The following OVGP1 variants were observed in gnomAD, a reference collection of about 807,000 sequenced individuals.
The protein encoded by OVGP1 is oviductal glycoprotein 1.
Under a neutral mutation model 48.2 loss-of-function variants are expected in OVGP1, and 26 were observed. The ratio of observed to expected loss-of-function variants is 0.54; its 90% CI spans 0.40 to 0.75. OVGP1 has a LOEUF of 0.75. Among genes scored for constraint, OVGP1 ranks in the 30% least tolerant of loss-of-function variants. OVGP1 has a pLI of 0.00. For synonymous variants in OVGP1, 294 were observed against 305.7 expected, an observed-to-expected ratio of 0.96 and a Z score of 0.40; for missense variants, 791 against 820.6, an observed-to-expected ratio of 0.96 and a Z score of 0.44.
chr1:111,425,299 C>T, intron 4 of OVGP1, 84 bp downstream of exon 4: 1 of 1,535,508 alleles, frequency 6.5e-7, no homozygotes, highest in Non-Finnish European at 8.9e-7. Flanking sequence ...GTCCGCATGG[C>T]CAAGCTGCCT....
At chr1:111,419,074 C>T (rs939249927) in intron 9 of OVGP1, among the ~76,000 whole-genome samples, 6 of 152,134 alleles carry the variant, frequency 3.9e-5, no homozygotes, top group Non-Finnish European at 7.3e-5. Context: ...GAAGACTGAA[C>T]ACCTTTACCA....
At position 111,421,444 on chromosome 1, in the gene OVGP1, A is replaced by G; in HGVS notation, c.735T>C (p.Tyr245=). Residue 245 remains tyrosine (Y), a synonymous_variant, in exon 8 of 11, where the codon TAT becomes TAC. Transcript: ENST00000369732. ...CTGAGGGTGCCCCAAGCTTTCTCCA[A>G]TAATTCATAGCATATGCCTGCAGGT... is the stretch of plus-strand genomic sequence containing the variant. The part of the protein sequence containing the change: ...DPKSSAYAMN[Y]WRKLGAPSEK... 1 of 1,611,418 alleles carries G rather than the reference A, an allele frequency of 6.2e-7. No homozygotes were observed. Among genetic ancestry groups the G allele is most frequent in the Non-Finnish European group, 8.5e-7 (1 of 1,178,872 alleles).
chr1:111,422,536 T>C (rs1370854961), intron 6 of OVGP1, among the ~76,000 whole-genome samples: 2 of 152,244 alleles, frequency 1.3e-5, no homozygotes, highest in Non-Finnish European at 2.9e-5. Context: ...TTTGTTTTTG[T>C]GACAGTGATT....
Position 111,423,723 on chromosome 1 carries a change from G to A in OVGP1, c.318-15C>T, listed in dbSNP as rs1401876562. 6.2e-7 allele frequency: 1 copy of A among 1,612,068 alleles called. No individual in the cohort carries two copies. The highest frequency in any genetic ancestry group is 8.5e-7 in the Non-Finnish European group (1 of 1,178,886). Reference sequence around the variant, plus strand: ...TAGTGGTGAATCTGTAGGGAGACCAGGGGTAAGGCAAAGAACTCTATCCAC... The same window carrying A: ...TAGTGGTGAATCTGTAGGGAGACCAAGGGTAAGGCAAAGAACTCTATCCAC... On this transcript the variant is annotated splice_polypyrimidine_tract_variant and intron_variant, in intron 4 of 10. Coordinates refer to ENST00000369732, the MANE Select transcript of OVGP1 (RefSeq NM_002557.4).
Position 111,421,385 on chromosome 1 carries a change from C to G in OVGP1, c.794G>C (p.Arg265Pro), listed in dbSNP as rs144878473. ...KLIMGIPTYG[R>P]TFRLLKASKN... Reference sequence around the variant, plus strand: ...AGAGGCTTTGAGGAGGCGAAAGGTACGTCCATAGGTGGGGATCCCCATGAT... The same window carrying G: ...AGAGGCTTTGAGGAGGCGAAAGGTAGGTCCATAGGTGGGGATCCCCATGAT... The change falls in exon 8 of 11, where the codon CGT becomes CCT. Residue 265 changes from arginine (R) to proline (P), a missense_variant. Transcript: ENST00000369732. 1.9e-6 allele frequency: 3 copies of G among 1,614,058 alleles called. No homozygotes were observed. Among genetic ancestry groups the G allele is most frequent in the Non-Finnish European group, 2.5e-6 (3 of 1,179,974 alleles).
At position 111,426,970 on chromosome 1, in the gene OVGP1, G is replaced by A. The variant is rs954922899; in HGVS notation, c.55+92C>T. The stretch of plus-strand genomic sequence containing the variant: ...TCAATAATCCCTGTCAGAGAAGCCA[G>A]GGCAAGGTGGGCTGCAGGGGACACT... On this transcript the variant is annotated intron_variant, in intron 2 of 10. Coordinates refer to ENST00000369732, the MANE Select transcript of OVGP1 (RefSeq NM_002557.4). The A allele has an allele frequency of 2.5e-6, 4 of 1,606,046 alleles. No homozygotes were observed. The South Asian group carries it at 3.4e-5, about 13-fold the overall frequency.
Position 111,416,350 on chromosome 1 carries a change from C to A in OVGP1, c.1129G>T (p.Val377Leu), listed in dbSNP as rs369279215. 1 of 1,602,190 alleles carries A rather than the reference C, an allele frequency of 6.2e-7. No individual in the cohort carries two copies. The highest frequency in any genetic ancestry group is 1.1e-5 in the South Asian group (1 of 87,902). ...CGTGPFPLVY[V>L]LNDILVRAEF... is the part of the protein sequence containing the mutation. ...GCCCGCACCAGGATATCATTCAATACGTAGACAAGGGGGAAAGGGCCAGTG... is the reference window on the plus strand; with the variant it reads ...GCCCGCACCAGGATATCATTCAATAAGTAGACAAGGGGGAAAGGGCCAGTG... The change falls in exon 10 of 11, where the codon GTA becomes TTA. Residue 377 changes from valine to leucine, a missense_variant. Physicochemically the swap from Val to Leu is conservative, Grantham distance 32 (BLOSUM62 1). Transcript: ENST00000369732.
Position 111,421,592 on chromosome 1 carries a change from G to A in OVGP1, c.690C>T (p.Phe230=), listed in dbSNP as rs767544578. The A allele has an allele frequency of 6.2e-7, 1 of 1,613,036 alleles. No homozygotes were observed. Residue 230 remains phenylalanine, a synonymous_variant, in exon 7 of 11, where the codon TTC becomes TTT. Transcript: ENST00000369732. ...ERFTGHNSPL[F]SLPEDPKSSA... ...AAGATTTGGGGTCTTCAGGCAGAGA[G>A]AAGAGGGGGCTATTATGTCCTGTGA...
rs1440234364 is a variant in OVGP1 at position 111,426,578 on chromosome 1, G to A, written c.119C>T (p.Ser40Leu). 13 of 1,613,992 alleles carry A rather than the reference G, an allele frequency of 8.1e-6. No individual in the cohort carries two copies. The highest frequency in any genetic ancestry group is 1.1e-5 in the South Asian group (1 of 91,082). The change falls in exon 3 of 11, where the codon TCG becomes TTG. Residue 40 changes from serine to leucine, a missense_variant. Ser to Leu is a moderately radical substitution (Grantham distance 145). Transcript: ENST00000369732. ...GGGGTCCAGGTCATGGGGCAAGATC[G>A]AGGCAGGGCCTGGCCGACTGTGTGC... ...NWAHSRPGPA[S>L]ILPHDLDPFL...
chr1:111,416,279 G>T (rs766065552), intron 10 of OVGP1, 44 bp downstream of exon 10: 2 of 1,521,874 alleles, frequency 1.3e-6, no homozygotes, highest in Non-Finnish European at 1.8e-6. Flanking sequence ...CCAGTGCTTG[G>T]TTATGCAACT....
intron 4 of OVGP1, 104 bp from the exon 5 acceptor site, chr1:111,423,812 T>A (rs770105394): frequency 1.8e-4 from 202 of 1,107,226 alleles, no homozygotes; most frequent in Non-Finnish European, 2.5e-4. Context: ...CTGGCAGATG[T>A]GGCTGGAGGA....
rs748302317 is a variant in OVGP1 at position 111,416,385 on chromosome 1, G to A, written c.1094C>T (p.Thr365Met). The A allele has an allele frequency of 6.2e-6, 10 of 1,608,600 alleles. No homozygotes were observed. The Admixed American group carries it at 1.2e-4, about 19-fold the overall frequency. The change falls in exon 10 of 11, where the codon ACG becomes ATG. Residue 365 changes from threonine (T) to methionine (M), a missense_variant. Coordinates refer to ENST00000369732, the MANE Select transcript of OVGP1 (RefSeq NM_002557.4). ...WTLDMDDVRG[T>M]FCGTGPFPLV... ...GGGGAAAGGGCCAGTGCCACAGAAC[G>A]TGCCCCTGACGTCATCCATGTCCAA...
At chr1:111,426,132 A>G (rs2101729549) in intron 3 of OVGP1, among the ~76,000 whole-genome samples, 2 of 152,302 alleles carry the variant, frequency 1.3e-5, no homozygotes, top group East Asian at 3.9e-4. Flanking sequence ...GCCCACTTTA[A>G]CAGCATTAAT....
chr1:111,415,622 T>C (rs919983174), intron 10 of OVGP1, among the ~76,000 whole-genome samples: 2 of 152,132 alleles, frequency 1.3e-5, no homozygotes, highest in African/African-American at 4.8e-5. Flanking sequence ...GCCCACCCAT[T>C]CCTTGTGCTT....
At chr1:111,427,145 G>GT in intron 1 of OVGP1, 54 bp from the exon 2 acceptor site, 4 of 1,612,920 alleles carry the variant, frequency 2.5e-6, no homozygotes, top group Non-Finnish European at 8.5e-7. Context: ...CACCAGAGTG[G>GT]TATGGCACAG....
chr1:111,414,481 C>G lies in OVGP1; in HGVS notation c.2020G>C (p.Val674Leu), dbSNP rs1652069032. ...AGAGGGGCTTAGGCTTCTTCATCCA[C>G]AGCAGAGTTTTCTGGGATTTCTTTT... ...LKKEIPENSAVDEEA is the reference protein window; with the variant it reads ...LKKEIPENSALDEEA Residue 674 changes from valine to leucine, a missense_variant, in exon 11 of 11, where the codon GTG becomes CTG. Coordinates refer to ENST00000369732, the MANE Select transcript of OVGP1 (RefSeq NM_002557.4). 1 of 1,612,440 alleles carries G rather than the reference C, an allele frequency of 6.2e-7. No homozygotes were observed. The highest frequency in any genetic ancestry group is 8.5e-7 in the Non-Finnish European group (1 of 1,179,080).
chr1:111,414,969 G>C lies in OVGP1; in HGVS notation c.1532C>G (p.Ser511Cys), dbSNP rs767979062. The C allele has an allele frequency of 2.5e-6, 2 of 808,246 alleles. No individual in the cohort carries two copies. The highest frequency in any genetic ancestry group is 4.0e-5 in the African/African-American group (2 of 50,202). The allele number at this position is 808,246 out of a possible 1,614,324, so 50.1% of individuals were successfully genotyped here. A position where few individuals can be genotyped will look rare whatever the true frequency, so the allele number is the denominator to read the frequency against. ...SVTTGQKTLT[S>C]VGYQSVTPGE... ...AGGGGTCACAGACTGATAACCCACA[G>C]AGGTCAGGGTCTTCTGTCCAGTGGT... The change falls in exon 11 of 11, where the codon TCT becomes TGT. Residue 511 changes from serine to cysteine, a missense_variant. Ser to Cys is a moderately radical substitution (Grantham distance 112). Transcript: ENST00000369732.
chr1:111,415,090 T>A lies in OVGP1; in HGVS notation c.1411A>T (p.Thr471Ser). The change falls in exon 11 of 11, where the codon ACT becomes TCT. Residue 471 changes from threonine (T) to serine (S), a missense_variant. Transcript: ENST00000369732. Reference sequence around the variant, plus strand: ...ATGGTCATTGCCCCAGTGATCTCAGTCTTCTCTCCTAGAGCTACAGTGTGC... The same window carrying A: ...ATGGTCATTGCCCCAGTGATCTCAGACTTCTCTCCTAGAGCTACAGTGTGC... ...GKHTVALGEK[T>S]EITGAMTMTS... 7 of 1,614,142 alleles carry A rather than the reference T, an allele frequency of 4.3e-6. No individual in the cohort carries two copies. Among genetic ancestry groups the A allele is most frequent in the Non-Finnish European group, 5.9e-6 (7 of 1,179,976 alleles).
chr1:111,414,897 A>ACAGGGGTCAGGGTCTTTTCCC lies in OVGP1; in HGVS notation c.1603_1604insGGGAAAAGACCCTGACCCCTG (p.Pro534_Val535insGlyGluLysThrLeuThrPro), dbSNP rs568931117. ...TCCAGGGCTCACAGACTGATGACTCACAGGGGTCACAGACTGATGACCCAC... is the reference window on the plus strand; with the variant it reads ...TCCAGGGCTCACAGACTGATGACTCACAGGGGTCAGGGTCTTTTCCCCAGGGGTCACAGACTGATGACCCAC... On this transcript the variant is annotated inframe_insertion, in exon 11 of 11. Coordinates refer to ENST00000369732, the MANE Select transcript of OVGP1 (RefSeq NM_002557.4). 4,336 of 751,900 alleles carry ACAGGGGTCAGGGTCTTTTCCC rather than the reference A, an allele frequency of 5.8e-3. 129 individuals are homozygous for ACAGGGGTCAGGGTCTTTTCCC. The African/African-American group carries it at 0.12, about 21-fold the overall frequency. 46.6% of individuals were successfully genotyped at this position (751,900 alleles called of 1,614,324 possible). A position where few individuals can be genotyped will look rare whatever the true frequency, so the allele number is the denominator to read the frequency against.
Sources: gnomAD v4.1 joint callset for allele counts (sites outside exome capture counted in the v4.1 genomes callset) on GRCh38, gnomAD v4.1.1 for gene constraint, MANE v1.5 for transcripts, NCBI Gene and HGNC (gene_info 2026-07-23, HGNC 2026-07-21) for gene names.